LDLRAD3: variants seen among roughly 807,000 people sequenced by gnomAD.
LDLRAD3 encodes low density lipoprotein receptor class A domain containing 3.
Under a neutral mutation model 29.4 loss-of-function variants are expected in LDLRAD3, and 20 were observed. The ratio of observed to expected loss-of-function variants is 0.68; its 90% CI spans 0.48 to 0.99. LDLRAD3 has a LOEUF of 0.99. Among genes scored for constraint, LDLRAD3 ranks in the 50% least tolerant of loss-of-function variants. The pLI, the probability that LDLRAD3 is intolerant of heterozygous loss-of-function variation, is 0.00. For synonymous variants in LDLRAD3, 157 were observed against 192.7 expected, an observed-to-expected ratio of 0.81 and a Z score of 1.53; for missense variants, 420 against 454.3, an observed-to-expected ratio of 0.92 and a Z score of 0.69.
chr11:36,040,973 T>G (rs1208254387), intron 2 of LDLRAD3, among the ~76,000 whole-genome samples: 1 of 152,192 alleles, frequency 6.6e-6, no homozygotes, highest in Non-Finnish European at 1.5e-5. Flanking sequence ...GTGAGATACC[T>G]ATTGATGGAC....
intron 1 of LDLRAD3, among the ~76,000 whole-genome samples, chr11:36,027,964 G>T (rs1268578186): frequency 6.6e-6 from 1 of 152,234 alleles, no homozygotes; most frequent in African/African-American, 2.4e-5. Flanking sequence ...AGAAGGCATA[G>T]GAGGATGGCT....
intron 4 of LDLRAD3, among the ~76,000 whole-genome samples, chr11:36,133,547 C>CTTTTTTTTT (rs67935336): frequency 8.3e-6 from 1 of 119,894 alleles, no homozygotes; most frequent in South Asian, 2.7e-4. Context: ...TTTTTCTTTT[C>CTTTTTTTTT]TTTTTTTTTT....
chr11:36,230,010 C>G lies in LDLRAD3; in HGVS notation c.*613C>G, dbSNP rs1219031804. ...CGTTATTTTGGTTTTGTGAAGGACT[C>G]TGAAACCATCTACCCTGTATAAATT... On this transcript the variant is annotated 3_prime_UTR_variant, in exon 6 of 6. Transcript: ENST00000315571. The G allele has an allele frequency of 6.6e-6, 1 of 152,368 alleles. No homozygotes were observed. Among genetic ancestry groups the G allele is most frequent in the African/African-American group, 2.4e-5 (1 of 41,444 alleles). 9.4% of individuals were successfully genotyped at this position (152,368 alleles called of 1,614,324 possible).
intron 3 of LDLRAD3, among the ~76,000 whole-genome samples, chr11:36,093,806 G>GA (rs1477521894): frequency 6.6e-6 from 1 of 152,234 alleles, no homozygotes. Flanking sequence ...TCTCAGTGGA[G>GA]AGGGGATGCA....
At chr11:36,060,640 G>T (rs1268393380) in intron 2 of LDLRAD3, among the ~76,000 whole-genome samples, 2 of 152,096 alleles carry the variant, frequency 1.3e-5, no homozygotes, top group Admixed American at 6.6e-5. Flanking sequence ...TGTGTGATGG[G>T]GTTATGGTGT....
At chr11:36,146,989 C>T (rs894301401) in intron 4 of LDLRAD3, among the ~76,000 whole-genome samples, 3 of 151,058 alleles carry the variant, frequency 2.0e-5, no homozygotes, top group East Asian at 1.9e-4. Context: ...AGGGTTTCAC[C>T]GTGTTAGTCA....
At chr11:36,209,597 A>T (rs1045906260) in intron 4 of LDLRAD3, among the ~76,000 whole-genome samples, 8 of 152,018 alleles carry the variant, frequency 5.3e-5, no homozygotes, top group African/African-American at 1.7e-4. Flanking sequence ...TGACCTCGTG[A>T]TCCACCTGCC....
intron 3 of LDLRAD3, among the ~76,000 whole-genome samples, chr11:36,089,176 AACTGCTTGGCTGACAGTT>A (rs1251160796): frequency 2.6e-5 from 4 of 152,342 alleles, no homozygotes; most frequent in African/African-American, 9.6e-5. Context: ...AGGGCAAGTG[AACTGCTTGGCTGACAGTT>A]ACTGAGCACT....
intron 2 of LDLRAD3, among the ~76,000 whole-genome samples, chr11:36,052,435 T>C (rs1852542506): frequency 6.6e-6 from 1 of 152,176 alleles, no homozygotes; most frequent in African/African-American, 2.4e-5. Flanking sequence ...TGTTGGAAAT[T>C]TCAACAAATA....
chr11:36,053,093 C>A (rs558209277), intron 2 of LDLRAD3, among the ~76,000 whole-genome samples: 2 of 152,116 alleles, frequency 1.3e-5, no homozygotes, highest in East Asian at 3.9e-4. Flanking sequence ...GGAGCATGGA[C>A]TCTTGTCCTT....
intron 2 of LDLRAD3, among the ~76,000 whole-genome samples, chr11:36,045,647 G>T (rs570816878): frequency 2.6e-5 from 4 of 151,760 alleles, no homozygotes; most frequent in Admixed American, 1.3e-4. Context: ...CCTGGTGGGA[G>T]GTAATTGAAT....
intron 1 of LDLRAD3, among the ~76,000 whole-genome samples, chr11:36,029,881 C>T (rs1181351193): frequency 6.6e-6 from 1 of 152,212 alleles, no homozygotes; most frequent in Admixed American, 6.5e-5. Context: ...CTCACTATCC[C>T]GGTGACTGGC....
At chr11:36,140,119 CTTGGAAAGCTGTGT>C (rs1854060175) in intron 4 of LDLRAD3, among the ~76,000 whole-genome samples, 1 of 152,162 alleles carries the variant, frequency 6.6e-6, no homozygotes, top group South Asian at 2.1e-4. Flanking sequence ...TTTGTTTTGT[CTTGGAAAGCTGTGT>C]TTGTTACCTC....
intron 4 of LDLRAD3, among the ~76,000 whole-genome samples, chr11:36,169,120 C>T (rs1358192832): frequency 1.3e-5 from 2 of 152,158 alleles, no homozygotes; most frequent in Non-Finnish European, 2.9e-5. Flanking sequence ...CCTGCTCCTC[C>T]TGGGGCAAAA....
rs896206076 is a variant in LDLRAD3 at position 36,213,066 on chromosome 11, C to G, written c.455-14019C>G. Among the ~76,000 whole-genome samples, 1 of 150,502 alleles carries G rather than the reference C, an allele frequency of 6.6e-6. No homozygotes were observed. The highest frequency in any genetic ancestry group is 2.5e-5 in the African/African-American group (1 of 40,796). On this transcript the variant is annotated intron_variant, in intron 4 of 5. Coordinates refer to ENST00000315571, the MANE Select transcript of LDLRAD3 (RefSeq NM_174902.4). This position sits in a 1 kb window ranked among gnomAD's most constrained non-coding sequence, Gnocchi z 4.1. Reference sequence around the variant, plus strand: ...TCTCCCCCACCCCTCTCTTTCTCTCCCCCTCGCTCCCTCCCTCTCTCCCTC... The same window carrying G: ...TCTCCCCCACCCCTCTCTTTCTCTCGCCCTCGCTCCCTCCCTCTCTCCCTC...
chr11:35,957,705 A>G (rs1354396190), intron 1 of LDLRAD3, among the ~76,000 whole-genome samples: 1 of 151,464 alleles, frequency 6.6e-6, no homozygotes, highest in Non-Finnish European at 1.5e-5. Context: ...CTGAGACAGA[A>G]GAATCGCTTG....
chr11:36,095,980 ATC>A, intron 3 of LDLRAD3, among the ~76,000 whole-genome samples: 1 of 152,170 alleles, frequency 6.6e-6, no homozygotes, highest in East Asian at 1.9e-4. Context: ...GGATTTCTCC[ATC>A]TCGGTTTTGG....
chr11:36,203,258 G>T (rs181033136), intron 4 of LDLRAD3, among the ~76,000 whole-genome samples: 1 of 152,070 alleles, frequency 6.6e-6, no homozygotes, highest in Admixed American at 6.6e-5. Context: ...GTGAGCCCCC[G>T]CGTCCAGCCC....
At chr11:36,177,753 C>G (rs1422967739) in intron 4 of LDLRAD3, among the ~76,000 whole-genome samples, 1 of 152,198 alleles carries the variant, frequency 6.6e-6, no homozygotes, top group Non-Finnish European at 1.5e-5. Flanking sequence ...GGACTCTGTC[C>G]TTGGTTGTAA....
Sources: gnomAD v4.1 joint callset for allele counts (sites outside exome capture counted in the v4.1 genomes callset) on GRCh38, gnomAD v4.1.1 for gene constraint, Gnocchi (gnomAD v3.1) non-coding constraint, MANE v1.5 for transcripts, NCBI Gene and HGNC (gene_info 2026-07-23, HGNC 2026-07-21) for gene names.